The following CCDC92 variants were observed in gnomAD, a reference collection of about 807,000 sequenced individuals.
CCDC92 encodes coiled-coil domain-containing protein 92.
A neutral mutation model predicts 24.9 loss-of-function variants in CCDC92; 12 were observed. The observed-to-expected ratio is 0.48, with a 90% CI of 0.31 to 0.78. The LOEUF is 0.78. Among genes scored for constraint, CCDC92 ranks in the 30% least tolerant of loss-of-function variants. The pLI, the probability that CCDC92 is intolerant of heterozygous loss-of-function variation, is 0.05. For missense variants in CCDC92, 399 were observed against 439.4 expected, an observed-to-expected ratio of 0.91 and a Z score of 0.82; for synonymous variants, 193 against 196.3, an observed-to-expected ratio of 0.98 and a Z score of 0.14.
chr12:123,947,547 G>T (rs1400214331), intron 1 of CCDC92, among the ~76,000 whole-genome samples: 2 of 152,154 alleles, frequency 1.3e-5, no homozygotes, highest in Non-Finnish European at 2.9e-5. Flanking sequence ...GTCTAGCTCA[G>T]GGTTTGTGAA....
In CCDC92 at chr12:123,943,299, G is replaced by A. The variant is rs58157153; in HGVS notation, c.181+48C>T. ...GCACATTCTGACGCTGGGCTCTGCC[G>A]TGCCCCATAGCCGCCCCCCGCCTGC... On this transcript the variant is annotated intron_variant, in intron 3 of 4. Coordinates refer to ENST00000238156, the MANE Select transcript of CCDC92 (RefSeq NM_025140.3). 16,428 of 1,594,806 alleles carry A rather than the reference G, an allele frequency of 0.01. 830 individuals are homozygous for A. In the African/African-American group the frequency reaches 0.14, roughly 14 times the overall value.
chr12:123,938,395 G>T (rs1955589609), intron 4 of CCDC92, among the ~76,000 whole-genome samples: 1 of 152,036 alleles, frequency 6.6e-6, no homozygotes, highest in South Asian at 2.1e-4. Context: ...CTCAGAGAGT[G>T]AGCTGTCTCG....
At chr12:123,945,470 C>T (rs1282905148) in intron 1 of CCDC92, 1 of 152,254 alleles carries the variant, frequency 6.6e-6, no homozygotes, top group East Asian at 1.9e-4. Flanking sequence ...CAGCTACAAC[C>T]AAGGCAGGTT....
At position 123,961,612 on chromosome 12, in the gene CCDC92, T is replaced by TA. The variant is rs577286502; in HGVS notation, c.-60+10916dup. 9.8e-5 allele frequency among the ~76,000 whole-genome samples: 15 copies of TA among 152,326 alleles called. No individual in the cohort carries two copies. The South Asian group carries it at 2.9e-3, about 29-fold the overall frequency. On this transcript the variant is annotated intron_variant, in intron 1 of 4. Coordinates refer to ENST00000238156, the MANE Select transcript of CCDC92 (RefSeq NM_025140.3). ...GGGGAAAAGCTAAGTTTTTACTCAA[T>TA]AGAGGCAAAATCGCCACTTAAGGGA...
At chr12:123,947,067 C>G (rs933017337) in intron 1 of CCDC92, among the ~76,000 whole-genome samples, 2 of 152,176 alleles carry the variant, frequency 1.3e-5, no homozygotes, top group Non-Finnish European at 2.9e-5. Flanking sequence ...CCCTGCCAGC[C>G]CTGCCGGCCC....
At chr12:123,964,265 G>T (rs1311175349) in intron 1 of CCDC92, among the ~76,000 whole-genome samples, 1 of 152,098 alleles carries the variant, frequency 6.6e-6, no homozygotes. Flanking sequence ...TTTAAAAAAA[G>T]TGTCTGTATT....
At chr12:123,964,902 TA>T (rs1956356258) in intron 1 of CCDC92, among the ~76,000 whole-genome samples, 1 of 152,242 alleles carries the variant, frequency 6.6e-6, no homozygotes. Context: ...TTTTGTTTTC[TA>T]AAGTTCCTAA....
In CCDC92 at chr12:123,948,877, T is replaced by C. The variant is rs547054089; in HGVS notation, c.-59-4513A>G. 2.0e-5 allele frequency among the ~76,000 whole-genome samples: 3 copies of C among 152,346 alleles called. No individual in the cohort carries two copies. The South Asian group carries it at 6.2e-4, about 32-fold the overall frequency. ...GCTGAAAAGACAGTGGTGTTTTCCA[T>C]TGCGATCCTTCACTACTGAAGAGAG... On this transcript the variant is annotated intron_variant, in intron 1 of 4. Transcript: ENST00000238156.
intron 1 of CCDC92, among the ~76,000 whole-genome samples, chr12:123,959,671 C>T (rs1199155299): frequency 6.6e-6 from 1 of 152,168 alleles, no homozygotes; most frequent in East Asian, 1.9e-4. Context: ...TATGATTATG[C>T]TGTTTTTAAA....
intron 4 of CCDC92, among the ~76,000 whole-genome samples, chr12:123,941,724 T>C (rs1955691272): frequency 6.6e-6 from 1 of 152,248 alleles, no homozygotes; most frequent in South Asian, 2.1e-4. Flanking sequence ...GTGCATGCTC[T>C]TCCTTATTTG....
intron 1 of CCDC92, among the ~76,000 whole-genome samples, chr12:123,954,813 G>A (rs1452760789): frequency 6.6e-6 from 1 of 152,212 alleles, no homozygotes; most frequent in Admixed American, 6.5e-5. Flanking sequence ...TGGAAGTTTG[G>A]GTTCCTAACC....
rs754877186 is a variant in CCDC92, at chr12:123,937,867, A to C, written c.224-37T>G. On this transcript the variant is annotated intron_variant, in intron 4 of 4. Coordinates refer to ENST00000238156, the MANE Select transcript of CCDC92 (RefSeq NM_025140.3). The surrounding 1 kb of genome is among the most constrained non-coding windows in gnomAD (Gnocchi z 8.4). Reference sequence around the variant, plus strand: ...AGCCGAGGAAGCAGGTGAAGAACTCATTAGACTGAGGCCGAGTGGTGAGGC... The same window carrying C: ...AGCCGAGGAAGCAGGTGAAGAACTCCTTAGACTGAGGCCGAGTGGTGAGGC... 6.4e-7 allele frequency: 1 copy of C among 1,566,426 alleles called. No homozygotes were observed. Among genetic ancestry groups the C allele is most frequent in the South Asian group, 1.2e-5 (1 of 83,538 alleles).
chr12:123,946,717 G>A (rs1233234717), intron 1 of CCDC92: 3 of 152,444 alleles, frequency 2.0e-5, no homozygotes, highest in African/African-American at 7.2e-5. Context: ...AAGGGCTTCA[G>A]GGTTGAAAAG....
intron 1 of CCDC92, among the ~76,000 whole-genome samples, chr12:123,959,988 G>A (rs1255878964): frequency 1.3e-5 from 2 of 152,196 alleles, no homozygotes; most frequent in African/African-American, 4.8e-5. Flanking sequence ...ACCTTGTACT[G>A]CTGGAATAAT....
intron 1 of CCDC92, among the ~76,000 whole-genome samples, chr12:123,965,635 G>A (rs1019728772): frequency 1.3e-5 from 2 of 152,132 alleles, no homozygotes; most frequent in South Asian, 2.1e-4. Context: ...CCCTTATGGT[G>A]GCTCTTTCCC....
At chr12:123,945,652 T>C (rs1470698922) in intron 1 of CCDC92, 1 of 152,144 alleles carries the variant, frequency 6.6e-6, no homozygotes, top group African/African-American at 2.4e-5. Context: ...ACGTTTTCCT[T>C]CCACTCAGCA....
At chr12:123,943,834 T>A (rs571471885) in intron 2 of CCDC92, 5 of 454,246 alleles carry the variant, frequency 1.1e-5, no homozygotes, top group Admixed American at 7.2e-5. Context: ...TTCGCGAGCC[T>A]GGGGTCACAC....
rs1956311840 is a variant in CCDC92, at chr12:123,963,093, C to CACT, written c.-60+9435_-60+9436insAGT. On this transcript the variant is annotated intron_variant, in intron 1 of 4. Coordinates refer to ENST00000238156, the MANE Select transcript of CCDC92 (RefSeq NM_025140.3). The stretch of plus-strand genomic sequence containing the variant: ...GCGTGTGGGTGGGTGCCACCAGCAT[C>CACT]TAGTGGGCAGGGCCAGGGGTGCTGC... Among the ~76,000 whole-genome samples the CACT allele has an allele frequency of 7.2e-5, 11 of 152,276 alleles. 1 individual carries two copies. In the South Asian group the frequency reaches 2.3e-3, roughly 32 times the overall value.
At position 123,972,621 on chromosome 12, in the gene CCDC92, T is replaced by A. The variant is rs1566187892; in HGVS notation, c.-152A>T. 1 of 148,604 alleles carries A rather than the reference T, an allele frequency of 6.7e-6. No individual in the cohort carries two copies. Among genetic ancestry groups the A allele is most frequent in the Non-Finnish European group, 1.5e-5 (1 of 66,726 alleles). 9.2% of individuals were successfully genotyped at this position (148,604 alleles called of 1,614,324 possible). ...CGGTGGGGGCCCGTGGCCCATGGGC[T>A]GGGCGGGGCGCGGCGGGCGGGGCTG... On this transcript the variant is annotated 5_prime_UTR_variant, in exon 1 of 5. Coordinates refer to ENST00000238156, the MANE Select transcript of CCDC92 (RefSeq NM_025140.3).
Sources: allele counts gnomAD v4.1 joint callset (sites outside exome capture counted in the v4.1 genomes callset), GRCh38; gene constraint gnomAD v4.1.1; non-coding constraint Gnocchi (gnomAD v3.1); transcripts MANE v1.5; gene names NCBI Gene and HGNC (gene_info 2026-07-23, HGNC 2026-07-21).